Variants in NSMCE2 observed in about 807,000 individuals in gnomAD.
The protein encoded by NSMCE2 is NSE2 SUMO ligase component of SMC5/6 complex, also known as E3 SUMO-protein ligase NSE2.
Under a neutral mutation model 23.8 loss-of-function variants are expected in NSMCE2, and 24 were observed. That is an observed-to-expected ratio of 1.01 (90% CI 0.73 to 1.42). NSMCE2 has a LOEUF of 1.42. Among genes scored for constraint, NSMCE2 ranks in the 40% most tolerant of loss-of-function variants. The probability of loss-of-function intolerance (pLI) is 0.00; values close to 1 mark genes in which losing one functional copy is unlikely to be tolerated. For missense variants in NSMCE2, 284 were observed against 296.5 expected, an observed-to-expected ratio of 0.96 and a Z score of 0.31; for synonymous variants, 92 against 94.1, an observed-to-expected ratio of 0.98 and a Z score of 0.13.
intron 3 of NSMCE2, among the ~76,000 whole-genome samples, chr8:125,145,531 A>T (rs1432909918): frequency 1.3e-5 from 2 of 152,154 alleles, no homozygotes; most frequent in Non-Finnish European, 2.9e-5. Flanking sequence ...TGAATGTTCA[A>T]ATATATCACT....
At chr8:125,137,892 G>T (rs1820153187) in intron 3 of NSMCE2, among the ~76,000 whole-genome samples, 1 of 152,226 alleles carries the variant, frequency 6.6e-6, no homozygotes, top group Non-Finnish European at 1.5e-5. Context: ...TAAATGAGAT[G>T]ATGCATGTAA....
At chr8:125,246,187 CT>C (rs796603495) in intron 5 of NSMCE2, among the ~76,000 whole-genome samples, 15 of 147,638 alleles carry the variant, frequency 1.0e-4, no homozygotes, top group Admixed American at 1.4e-4. Flanking sequence ...TTTTCTTTTT[CT>C]TTTTTTTTTG....
At chr8:125,357,162 C>A in intron 5 of NSMCE2, 57 bp from the exon 6 acceptor site, 1 of 1,167,142 alleles carries the variant, frequency 8.6e-7, no homozygotes, top group Non-Finnish European at 1.3e-6. Context: ...CCTTCCATTC[C>A]TTCCTTTTCT....
intron 5 of NSMCE2, among the ~76,000 whole-genome samples, chr8:125,309,932 A>G (rs1828915516): frequency 6.6e-6 from 1 of 152,230 alleles, no homozygotes; most frequent in Non-Finnish European, 1.5e-5. Context: ...GTTTTTAAGA[A>G]GGAAATGTTA....
chr8:125,285,426 C>T (rs1827852644), intron 5 of NSMCE2, among the ~76,000 whole-genome samples: 1 of 152,052 alleles, frequency 6.6e-6, no homozygotes, highest in African/African-American at 2.4e-5. Context: ...TCCCTCCTCC[C>T]CTCCCTCCCT....
chr8:125,176,911 A>T (rs939646126), intron 4 of NSMCE2, among the ~76,000 whole-genome samples: 1 of 152,112 alleles, frequency 6.6e-6, no homozygotes, highest in African/African-American at 2.4e-5. Flanking sequence ...GCCTGCACTT[A>T]TTGTGAGTTT....
At chr8:125,312,226 A>G (rs1411957475) in intron 5 of NSMCE2, among the ~76,000 whole-genome samples, 2 of 152,244 alleles carry the variant, frequency 1.3e-5, no homozygotes, top group Non-Finnish European at 2.9e-5. Context: ...TTGTTACATT[A>G]TAAGAGCTAA....
chr8:125,278,607 G>A (rs375750940), intron 5 of NSMCE2, among the ~76,000 whole-genome samples: 1 of 152,192 alleles, frequency 6.6e-6, no homozygotes, highest in East Asian at 1.9e-4. Context: ...TATGGTAGAG[G>A]TGTTTCCTCA....
At chr8:125,324,575 T>TATGATGCAAATTGA (rs1563785411) in intron 5 of NSMCE2, among the ~76,000 whole-genome samples, 1 of 81,578 alleles carries the variant, frequency 1.2e-5, no homozygotes, top group African/African-American at 3.4e-5. Flanking sequence ...TAAAATTCTT[T>TATGATGCAAATTGA]TTTTTTTTTT....
In NSMCE2 at chr8:125,299,804, C is replaced by CTTTTTTTTTTTTTTTT. The variant is rs58789139; in HGVS notation, c.419-57403_419-57388dup. On this transcript the variant is annotated intron_variant, in intron 5 of 7. Transcript: ENST00000287437. ...ACCTTGACCTCATAATTTTGGCTTT[C>CTTTTTTTTTTTTTTTT]TTTTTTTTTTTTTTTTTTTTTTTTT... is the stretch of plus-strand genomic sequence containing the variant. 1.4e-4 allele frequency among the ~76,000 whole-genome samples: 10 copies of CTTTTTTTTTTTTTTTT among 70,266 alleles called. 2 individuals carry two copies. Among genetic ancestry groups the CTTTTTTTTTTTTTTTT allele is most frequent in the African/African-American group, 2.8e-4 (5 of 17,792 alleles). 46.1% of individuals were successfully genotyped at this position (70,266 alleles called of 152,430 possible). A position where few individuals can be genotyped will look rare whatever the true frequency, so the allele number is the denominator to read the frequency against.
At chr8:125,191,123 C>T (rs1050819832) in intron 5 of NSMCE2, among the ~76,000 whole-genome samples, 23 of 152,166 alleles carry the variant, frequency 1.5e-4, no homozygotes, top group Admixed American at 8.5e-4. Flanking sequence ...CCACCCGCCT[C>T]GGCCTCCCAA....
rs1381614769 is a variant in NSMCE2 at position 125,102,425 on chromosome 8, C to T, written c.95C>T (p.Ala32Val). The T allele has an allele frequency of 6.2e-7, 1 of 1,613,428 alleles. No individual in the cohort carries two copies. The highest frequency in any genetic ancestry group is 2.2e-5 in the East Asian group (1 of 44,862). ...CTCTCCTCCTTGAAAAACTTCCAAG[C>T]CTGTATCAACTCTGGTATGGACACA... Reference protein sequence around the residue: ...SALSSLKNFQACINSGMDTAS... With the variant: ...SALSSLKNFQVCINSGMDTAS... Residue 32 changes from alanine (A) to valine (V), a missense_variant, in exon 3 of 8, where the codon GCC becomes GTC. Transcript: ENST00000287437.
intron 5 of NSMCE2, among the ~76,000 whole-genome samples, chr8:125,190,634 A>G (rs530190488): frequency 2.4e-4 from 37 of 152,316 alleles, no homozygotes; most frequent in South Asian, 2.3e-3. Flanking sequence ...GTAGTGAGAA[A>G]TTAACTTTTT....
chr8:125,236,939 A>C (rs1457956464), intron 5 of NSMCE2, among the ~76,000 whole-genome samples: 1 of 152,136 alleles, frequency 6.6e-6, no homozygotes, highest in Non-Finnish European at 1.5e-5. Flanking sequence ...AATACTAGTG[A>C]AAACTGAATG....
At chr8:125,141,932 C>T (rs755611156) in intron 3 of NSMCE2, among the ~76,000 whole-genome samples, 7 of 152,042 alleles carry the variant, frequency 4.6e-5, no homozygotes, top group Non-Finnish European at 7.4e-5. Context: ...AGTTTCTGAA[C>T]TTGGGGGAGG....
chr8:125,286,187 T>G (rs1225686361), intron 5 of NSMCE2, among the ~76,000 whole-genome samples: 1 of 152,198 alleles, frequency 6.6e-6, no homozygotes, highest in Non-Finnish European at 1.5e-5. Context: ...GGTTTTTACT[T>G]CAATATGTAT....
chr8:125,102,349 T>C lies in NSMCE2; in HGVS notation c.19T>C (p.Ser7Pro). 6.2e-7 allele frequency: 1 copy of C among 1,613,900 alleles called. No individual in the cohort carries two copies. Among genetic ancestry groups the C allele is most frequent in the Non-Finnish European group, 8.5e-7 (1 of 1,179,818 alleles). Residue 7 changes from serine (S) to proline (P), a missense_variant, in exon 3 of 8, where the codon TCA becomes CCA. Physicochemically the swap from Ser to Pro is moderately conservative, Grantham distance 74. Transcript: ENST00000287437. ...TTTCAAGATGCCAGGACGTTCCAGT[T>C]CAAATTCAGGTTCAACTGGTTTCAT... Reference protein sequence around the residue: MPGRSSSNSGSTGFISF... With the variant: MPGRSSPNSGSTGFISF...
chr8:125,108,857 C>A lies in NSMCE2; in HGVS notation c.157+6370C>A, dbSNP rs566661031. 3.3e-5 allele frequency among the ~76,000 whole-genome samples: 5 copies of A among 152,300 alleles called. No individual in the cohort carries two copies. The South Asian group carries it at 1.0e-3, about 32-fold the overall frequency. The stretch of plus-strand genomic sequence containing the variant: ...GTCTAGGTAGGAAATAAGACATATA[C>A]TTGTTATTCAATCATTAAGTGAACA... On this transcript the variant is annotated intron_variant, in intron 3 of 7. Transcript: ENST00000287437.
intron 5 of NSMCE2, among the ~76,000 whole-genome samples, chr8:125,342,022 T>TG (rs947423694): frequency 1.3e-5 from 2 of 149,924 alleles, no homozygotes; most frequent in South Asian, 2.1e-4. Flanking sequence ...CCTCAGGTGG[T>TG]GGGGGGGTTA....
Sources: allele counts gnomAD v4.1 joint callset (sites outside exome capture counted in the v4.1 genomes callset), GRCh38; gene constraint gnomAD v4.1.1; transcripts MANE v1.5; gene names NCBI Gene and HGNC (gene_info 2026-07-23, HGNC 2026-07-21).